The following DOK6 variants were observed in gnomAD, a reference collection of about 807,000 sequenced individuals.
DOK6 encodes downstream of tyrosine kinase 6.
A neutral mutation model predicts 44.0 loss-of-function variants in DOK6; 22 were observed. That is an observed-to-expected ratio of 0.50 (90% CI 0.36 to 0.71). The LOEUF is 0.71. Ranked by LOEUF, DOK6 falls within the 30% of genes least tolerant of loss-of-function variation. DOK6 has a pLI of 0.00. For missense variants in DOK6, 340 were observed against 416.4 expected, an observed-to-expected ratio of 0.82 and a Z score of 1.60; for synonymous variants, 166 against 145.5, an observed-to-expected ratio of 1.14 and a Z score of -1.01.
rs187867252 is a variant in DOK6, at chr18:69,596,991, A to C, written c.175-2393A>C. 2.7e-3 allele frequency among the ~76,000 whole-genome samples: 416 copies of C among 152,224 alleles called. 5 individuals are homozygous for C. Among genetic ancestry groups the C allele is most frequent in the African/African-American group, 9.5e-3 (395 of 41,568 alleles). On this transcript the variant is annotated intron_variant, in intron 2 of 7. Transcript: ENST00000382713. ...CAAAAGAAAAGATACAGAAATTATA[A>C]AGAAAATGTTAATGTAAAAAGCAAT...
At chr18:69,762,917 G>A (rs1356651727) in intron 7 of DOK6, among the ~76,000 whole-genome samples, 1 of 152,144 alleles carries the variant, frequency 6.6e-6, no homozygotes, top group Non-Finnish European at 1.5e-5. Flanking sequence ...TAAAAGTCAA[G>A]GTGAGAGCCT....
rs528913484 is a variant in DOK6, at chr18:69,726,341, CATCTTTTTGTTCTTTA to C, written c.600-12616_600-12601del. On this transcript the variant is annotated intron_variant, in intron 5 of 7. Transcript: ENST00000382713. ...CATTTGACTACTGACTTTTCCCATT[CATCTTTTTGTTCTTTA>C]ATCTTTTGTTTATTTGCTACTCTCT... Among the ~76,000 whole-genome samples, 824 of 152,216 alleles carry C rather than the reference CATCTTTTTGTTCTTTA, an allele frequency of 5.4e-3. 9 individuals carry two copies. Among genetic ancestry groups the C allele is most frequent in the African/African-American group, 0.019 (802 of 41,524 alleles).
intron 3 of DOK6, among the ~76,000 whole-genome samples, chr18:69,623,972 T>A (rs1984500091): frequency 6.6e-6 from 1 of 152,172 alleles, no homozygotes; most frequent in Non-Finnish European, 1.5e-5. Context: ...ATGATAGACA[T>A]AGAGCCTTTG....
intron 4 of DOK6, among the ~76,000 whole-genome samples, chr18:69,682,559 CCA>C (rs1376736473): frequency 1.3e-5 from 2 of 152,122 alleles, no homozygotes; most frequent in African/African-American, 4.8e-5. Context: ...GATAGTATGC[CCA>C]GATTTGCAAC....
chr18:69,693,380 A>G (rs1986312183), intron 4 of DOK6, among the ~76,000 whole-genome samples: 1 of 152,042 alleles, frequency 6.6e-6, no homozygotes. Context: ...TCTAACTAAC[A>G]TACAAAAATG....
chr18:69,509,431 A>G (rs1348369673), intron 1 of DOK6, among the ~76,000 whole-genome samples: 3 of 152,092 alleles, frequency 2.0e-5, no homozygotes, highest in Admixed American at 6.5e-5. Flanking sequence ...AGGTCAGGAG[A>G]TCGAGACCAT....
chr18:69,840,749 T>C (rs4891779), intron 7 of DOK6, among the ~76,000 whole-genome samples: 146,116 of 152,300 alleles, frequency 0.96, 70,408 homozygotes, highest in East Asian at 1. Context: ...AAGCTTTCTT[T>C]CTGATAATTC....
At chr18:69,592,050 T>A (rs1983633921) in intron 2 of DOK6, among the ~76,000 whole-genome samples, 2 of 152,058 alleles carry the variant, frequency 1.3e-5, no homozygotes, top group African/African-American at 4.8e-5. Context: ...TTGGGAATTA[T>A]TTTCATTTTA....
intron 2 of DOK6, among the ~76,000 whole-genome samples, chr18:69,598,644 T>A (rs1983802328): frequency 6.6e-6 from 1 of 152,080 alleles, no homozygotes; most frequent in South Asian, 2.1e-4. Context: ...TTTGCAGAGT[T>A]GTTGAGGAAA....
At chr18:69,747,235 CA>C (rs1979014549) in intron 6 of DOK6, among the ~76,000 whole-genome samples, 2 of 152,278 alleles carry the variant, frequency 1.3e-5, no homozygotes, top group East Asian at 3.9e-4. Flanking sequence ...AGATTTGTCT[CA>C]ACTGCTAATC....
intron 6 of DOK6, among the ~76,000 whole-genome samples, chr18:69,753,357 T>A (rs12953961): frequency 6.6e-6 from 1 of 151,984 alleles, no homozygotes; most frequent in African/African-American, 2.4e-5. Flanking sequence ...TAACTCTCAT[T>A]TGTGTTATAT....
chr18:69,728,704 T>C (rs1978325235), intron 5 of DOK6, among the ~76,000 whole-genome samples: 1 of 152,078 alleles, frequency 6.6e-6, no homozygotes, highest in South Asian at 2.1e-4. Flanking sequence ...TCTGCAGCTG[T>C]TTGTGGAAGA....
Position 69,461,810 on chromosome 18 carries a change from A to G in DOK6, c.66+60500A>G, listed in dbSNP as rs142577512. Among the ~76,000 whole-genome samples, 157 of 152,310 alleles carry G rather than the reference A, an allele frequency of 1.0e-3. 3 individuals are homozygous for G. The East Asian group carries it at 0.024, about 23-fold the overall frequency. ...CATGTGTCTTAAGAATTTGAAATAG[A>G]AATGGCAGTGCAGTTCATCATCTTC... On this transcript the variant is annotated intron_variant, in intron 1 of 7. Coordinates refer to ENST00000382713, the MANE Select transcript of DOK6 (RefSeq NM_152721.6).
chr18:69,623,116 T>C (rs1344107360), intron 3 of DOK6, among the ~76,000 whole-genome samples: 1 of 152,136 alleles, frequency 6.6e-6, no homozygotes, highest in Non-Finnish European at 1.5e-5. Context: ...GGTTTGAAAG[T>C]GTGTAGGCCT....
At chr18:69,534,874 A>T (rs1235916814) in intron 1 of DOK6, among the ~76,000 whole-genome samples, 1 of 152,120 alleles carries the variant, frequency 6.6e-6, no homozygotes, top group East Asian at 1.9e-4. Context: ...TTCACAAGGA[A>T]TATTCCACTT....
At chr18:69,557,166 A>T (rs1982706894) in intron 1 of DOK6, among the ~76,000 whole-genome samples, 1 of 152,196 alleles carries the variant, frequency 6.6e-6, no homozygotes, top group Non-Finnish European at 1.5e-5. Context: ...ATAATTTTTT[A>T]AATCTCAAGG....
chr18:69,697,638 C>G (rs962627425), intron 4 of DOK6, among the ~76,000 whole-genome samples: 1 of 150,142 alleles, frequency 6.7e-6, no homozygotes, highest in African/African-American at 2.4e-5. Context: ...AAAAAAAAAT[C>G]TATTTAATGC....
At chr18:69,803,549 T>A (rs72951588) in intron 7 of DOK6, among the ~76,000 whole-genome samples, 4,084 of 152,244 alleles carry the variant, frequency 0.027, 61 homozygotes, top group South Asian at 0.056. Context: ...AGGGAAGATT[T>A]AGTGAGTAAC....
At chr18:69,818,850 CCCTGGGATTT>C (rs1390991307) in intron 7 of DOK6, among the ~76,000 whole-genome samples, 1 of 152,148 alleles carries the variant, frequency 6.6e-6, no homozygotes, top group African/African-American at 2.4e-5. Flanking sequence ...ACAGTCATAG[CCCTGGGATTT>C]GGCACAACCA....
Sources: gnomAD v4.1 joint callset for allele counts (sites outside exome capture counted in the v4.1 genomes callset) on GRCh38, gnomAD v4.1.1 for gene constraint, MANE v1.5 for transcripts, NCBI Gene and HGNC (gene_info 2026-07-23, HGNC 2026-07-21) for gene names.